The following CADM2 variants were observed in gnomAD, a reference collection of about 807,000 sequenced individuals.
CADM2 encodes cell adhesion molecule 2, also known as immunoglobulin superfamily member 4D.
CADM2 carries 12 observed loss-of-function variants against 49.8 expected under a neutral mutation model. The observed-to-expected ratio is 0.24, with a 90% CI of 0.15 to 0.39. The LOEUF (loss-of-function observed/expected upper bound fraction) is 0.39, where lower values mean the gene tolerates loss of function less well. Among genes scored for constraint, CADM2 ranks in the 10% least tolerant of loss-of-function variants. The probability of loss-of-function intolerance (pLI) is 1.00; values close to 1 mark genes in which losing one functional copy is unlikely to be tolerated. For synonymous variants in CADM2, 214 were observed against 175.4 expected (o/e 1.22, Z -1.74); for missense variants, 378 against 492.3 (o/e 0.77, Z 2.20).
At chr3:85,200,909 A>C (rs544310307) in intron 1 of CADM2, among the ~76,000 whole-genome samples, 2 of 152,104 alleles carry the variant, frequency 1.3e-5, no homozygotes, top group South Asian at 4.1e-4. Flanking sequence ...TCTTAAAGTA[A>C]TTATATGTTA....
intron 1 of CADM2, among the ~76,000 whole-genome samples, chr3:85,698,779 C>T (rs146591312): frequency 6.6e-6 from 1 of 152,236 alleles, no homozygotes; most frequent in East Asian, 1.9e-4. Flanking sequence ...AGATTCAAAC[C>T]ATATCATTCC....
chr3:84,970,255 T>C (rs1468116580), intron 1 of CADM2, among the ~76,000 whole-genome samples: 14 of 138,656 alleles, frequency 1.0e-4, no homozygotes, highest in African/African-American at 3.4e-4. Context: ...ATGACACATA[T>C]ATGCTGTGAT....
intron 4 of CADM2, among the ~76,000 whole-genome samples, chr3:85,884,161 A>G (rs545024670): frequency 1.3e-5 from 2 of 152,316 alleles, no homozygotes; most frequent in African/African-American, 4.8e-5. Context: ...CACAGACGTC[A>G]GTGCCCCAAT....
chr3:85,867,834 A>G (rs1034070310), intron 3 of CADM2, among the ~76,000 whole-genome samples: 15 of 152,220 alleles, frequency 9.9e-5, no homozygotes, highest in Admixed American at 5.9e-4. Flanking sequence ...CGTGATTGAT[A>G]TAATCACCAC....
intron 1 of CADM2, among the ~76,000 whole-genome samples, chr3:85,402,808 C>T (rs1205672586): frequency 1.3e-5 from 2 of 152,104 alleles, no homozygotes; most frequent in Non-Finnish European, 2.9e-5. Flanking sequence ...TTTTATAAAG[C>T]AATCAATCTC....
chr3:85,477,214 C>T (rs1186338577), intron 1 of CADM2, among the ~76,000 whole-genome samples: 3 of 143,820 alleles, frequency 2.1e-5, no homozygotes, highest in Non-Finnish European at 4.5e-5. Context: ...TTTAAAAGTT[C>T]ACTTGTTAGT....
chr3:85,045,604 A>G (rs1023392398), intron 1 of CADM2, among the ~76,000 whole-genome samples: 5 of 152,116 alleles, frequency 3.3e-5, no homozygotes, highest in African/African-American at 1.2e-4. Context: ...GTATATGTGT[A>G]TATTTCACAG....
At chr3:85,625,108 A>G (rs1170419275) in intron 1 of CADM2, among the ~76,000 whole-genome samples, 1 of 152,130 alleles carries the variant, frequency 6.6e-6, no homozygotes, top group Non-Finnish European at 1.5e-5. Flanking sequence ...AAGATAGCTA[A>G]TACTACCCCT....
At chr3:85,909,347 A>T (rs1429528686) in intron 5 of CADM2, among the ~76,000 whole-genome samples, 2 of 151,708 alleles carry the variant, frequency 1.3e-5, no homozygotes, top group Non-Finnish European at 2.9e-5. Flanking sequence ...TAGTCATTTC[A>T]TTAACACATT....
intron 1 of CADM2, among the ~76,000 whole-genome samples, chr3:85,265,539 G>A (rs1292450423): frequency 2.6e-5 from 4 of 151,822 alleles, no homozygotes; most frequent in Non-Finnish European, 4.4e-5. Context: ...ATCCATTCCC[G>A]GAGTAACAAA....
chr3:85,592,560 G>A (rs1181791055), intron 1 of CADM2, among the ~76,000 whole-genome samples: 1 of 151,606 alleles, frequency 6.6e-6, no homozygotes, highest in Non-Finnish European at 1.5e-5. Context: ...CATGGTTTTG[G>A]GTCAACAATA....
intron 1 of CADM2, among the ~76,000 whole-genome samples, chr3:85,344,133 T>TG (rs1441535753): frequency 1.3e-5 from 2 of 151,860 alleles, no homozygotes; most frequent in African/African-American, 2.4e-5. Flanking sequence ...CCCAGAACTT[T>TG]GGGGGGCCGA....
chr3:85,871,074 A>C (rs1390920878), intron 3 of CADM2, among the ~76,000 whole-genome samples: 1 of 152,240 alleles, frequency 6.6e-6, no homozygotes, highest in Non-Finnish European at 1.5e-5. Context: ...GCTTCTGTAC[A>C]GTAAAAGAAA....
intron 1 of CADM2, among the ~76,000 whole-genome samples, chr3:85,725,795 G>A (rs901752746): frequency 2.6e-5 from 4 of 151,998 alleles, no homozygotes; most frequent in Non-Finnish European, 5.9e-5. Flanking sequence ...AAAATTGCTG[G>A]AGTTTAGTGA....
intron 1 of CADM2, among the ~76,000 whole-genome samples, chr3:85,150,025 G>A (rs938032933): frequency 1.3e-5 from 2 of 152,166 alleles, no homozygotes; most frequent in African/African-American, 2.4e-5. Flanking sequence ...GTGTATATCC[G>A]AGTGAAGGTT....
At chr3:85,658,576 G>GTACATATA (rs1553656705) in intron 1 of CADM2, among the ~76,000 whole-genome samples, 2 of 68,754 alleles carry the variant, frequency 2.9e-5, no homozygotes, top group African/African-American at 1.1e-4. Flanking sequence ...GGATATATGT[G>GTACATATA]TATATATATA....
intron 1 of CADM2, among the ~76,000 whole-genome samples, chr3:85,536,162 A>C (rs781312310): frequency 7.9e-5 from 12 of 152,042 alleles, no homozygotes; most frequent in Non-Finnish European, 1.0e-4. Context: ...ATAGAAGAGA[A>C]ACACTAATTT....
intron 1 of CADM2, among the ~76,000 whole-genome samples, chr3:85,136,890 G>T (rs779865868): frequency 7.9e-5 from 12 of 151,878 alleles, no homozygotes; most frequent in Non-Finnish European, 1.3e-4. Context: ...ATTAGATTCA[G>T]TTTGCATTGT....
chr3:86,057,854 T>C (rs764501746), intron 8 of CADM2, among the ~76,000 whole-genome samples: 2 of 152,122 alleles, frequency 1.3e-5, no homozygotes, highest in Non-Finnish European at 2.9e-5. Flanking sequence ...GAATACAGAC[T>C]ATGTGGAAAA....
Sources: gnomAD v4.1 joint callset for allele counts (sites outside exome capture counted in the v4.1 genomes callset) on GRCh38, gnomAD v4.1.1 for gene constraint, MANE v1.5 for transcripts, NCBI Gene and HGNC (gene_info 2026-07-23, HGNC 2026-07-21) for gene names.